The following TBC1D22A variants were observed in gnomAD, a reference collection of about 807,000 sequenced individuals.
TBC1D22A encodes the protein putative GTPase activator.
A neutral mutation model predicts 60.2 loss-of-function variants in TBC1D22A; 38 were observed. That is an observed-to-expected ratio of 0.63 (90% CI 0.49 to 0.83). The LOEUF (loss-of-function observed/expected upper bound fraction) is 0.83, where lower values mean the gene tolerates loss of function less well. TBC1D22A is among the 40% of genes least tolerant of loss of function. TBC1D22A has a pLI of 0.00. For missense variants in TBC1D22A, 628 were observed against 701.0 expected, an observed-to-expected ratio of 0.90 and a Z score of 1.18; for synonymous variants, 302 against 281.7, an observed-to-expected ratio of 1.07 and a Z score of -0.72.
At position 46,792,570 on chromosome 22, in the gene TBC1D22A, A is replaced by G. The variant is rs146224636; in HGVS notation, c.113A>G (p.His38Arg). 2.2e-5 allele frequency: 36 copies of G among 1,614,024 alleles called. No homozygotes were observed. The highest frequency in any genetic ancestry group is 2.7e-5 in the African/African-American group (2 of 74,916). Residue 38 changes from histidine to arginine, a missense_variant, in exon 2 of 13, where the codon CAT becomes CGT. Physicochemically the swap from His to Arg is conservative, Grantham distance 29. Coordinates refer to ENST00000337137, the MANE Select transcript of TBC1D22A (RefSeq NM_014346.5). ...AQHPPFDPLL[H>R]GTLLRSTAKM... ...CACCCCCCCTTTGATCCACTGTTAC[A>G]TGGCACGTAAGTGACGTTCCAACCT...
chr22:46,943,043 G>A (rs8139894), intron 8 of TBC1D22A, among the ~76,000 whole-genome samples: 2 of 152,306 alleles, frequency 1.3e-5, no homozygotes, highest in African/African-American at 4.8e-5. Context: ...AGGACCCGTG[G>A]CAGCAGGAAA....
At chr22:46,762,997 G>A (rs1014989588) in intron 1 of TBC1D22A, 149 bp downstream of exon 1, 5 of 694,074 alleles carry the variant, frequency 7.2e-6, no homozygotes, top group Admixed American at 8.3e-5. Flanking sequence ...GGCGTTGGGG[G>A]GCTCGGAGGT....
chr22:47,015,429 C>G (rs909816676), intron 10 of TBC1D22A, among the ~76,000 whole-genome samples: 1 of 152,182 alleles, frequency 6.6e-6, no homozygotes, highest in Admixed American at 6.5e-5. Flanking sequence ...GAGGGGGCCA[C>G]GCCCACCCCG....
At chr22:46,773,950 A>G (rs200128714) in intron 1 of TBC1D22A, 3 of 985,532 alleles carry the variant, frequency 3.0e-6, no homozygotes, top group Middle Eastern at 5.2e-4. Context: ...CTTACCCATC[A>G]CAGCCTCATC....
intron 8 of TBC1D22A, among the ~76,000 whole-genome samples, chr22:46,942,829 T>TA (rs1286897560): frequency 2.0e-5 from 3 of 152,198 alleles, no homozygotes; most frequent in Non-Finnish European, 4.4e-5. Context: ...TTATGAAACT[T>TA]TTCCTTAAGG....
Position 46,974,329 on chromosome 22 carries a change from C to G in TBC1D22A, c.1055C>G (p.Pro352Arg). 5 of 1,607,678 alleles carry G rather than the reference C, an allele frequency of 3.1e-6. No homozygotes were observed. The highest frequency in any genetic ancestry group is 4.2e-6 in the Non-Finnish European group (5 of 1,177,280). The change falls in exon 9 of 13, where the codon CCC becomes CGC. Residue 352 changes from proline (P) to arginine (R), a missense_variant. Transcript: ENST00000337137. ...GACACGGTGGACGTCTCCGGCGTGCCCGCAGAGGTGCTGTGCAACATCGAG... is the reference window on the plus strand; with the variant it reads ...GACACGGTGGACGTCTCCGGCGTGCGCGCAGAGGTGCTGTGCAACATCGAG... ...EVDTVDVSGV[P>R]AEVLCNIEAD...
chr22:47,030,297 C>T (rs977862305), intron 10 of TBC1D22A, among the ~76,000 whole-genome samples: 2 of 152,184 alleles, frequency 1.3e-5, no homozygotes, highest in African/African-American at 2.4e-5. Context: ...TGCTGCTCTT[C>T]GGGTGATAAA....
intron 4 of TBC1D22A, among the ~76,000 whole-genome samples, chr22:46,864,216 A>G (rs1270659792): frequency 6.6e-6 from 1 of 152,254 alleles, no homozygotes; most frequent in African/African-American, 2.4e-5. Context: ...TGTTATGTTA[A>G]TGATAGCAAT....
intron 10 of TBC1D22A, among the ~76,000 whole-genome samples, chr22:47,003,577 G>GTATACACACACCCTACGCACACATGCCTC (rs2061470041): frequency 5.9e-5 from 8 of 136,304 alleles, no homozygotes; most frequent in African/African-American, 1.8e-4. Flanking sequence ...ACACATGCCT[G>GTATACACACACCCTACGCACACATGCCTC]TATACACACA....
rs139862950 is a variant in TBC1D22A, at chr22:47,166,757, G to A, written c.1426-6741G>A. Among the ~76,000 whole-genome samples the A allele has an allele frequency of 9.2e-4, 140 of 152,384 alleles. 1 individual carries two copies. Among genetic ancestry groups the A allele is most frequent in the African/African-American group, 3.1e-3 (129 of 41,604 alleles). ...GCAGCCCTGGGCATGTGGTCACCCA[G>A]TGAACACCTGCAGTGCCTGTGAGAA... On this transcript the variant is annotated intron_variant, in intron 12 of 12. Transcript: ENST00000337137.
At chr22:46,873,075 A>G (rs1037989049) in intron 4 of TBC1D22A, among the ~76,000 whole-genome samples, 3 of 152,240 alleles carry the variant, frequency 2.0e-5, no homozygotes, top group African/African-American at 7.2e-5. Flanking sequence ...GTGGCAATAA[A>G]TTGATACTTG....
At chr22:47,036,972 C>G in intron 10 of TBC1D22A, 99 bp from the exon 11 acceptor site, 1 of 1,487,428 alleles carries the variant, frequency 6.7e-7, no homozygotes, top group South Asian at 1.2e-5. Context: ...GAGTGGGGTT[C>G]TGAGGCGGGC....
chr22:47,160,951 CGGGG>C (rs71814359), intron 12 of TBC1D22A, among the ~76,000 whole-genome samples: 61,472 of 151,252 alleles, frequency 0.41, 13,574 homozygotes, highest in East Asian at 0.68. Flanking sequence ...GGAGGGACCC[CGGGG>C]GCCTTGGCTG....
chr22:46,936,980 T>C (rs1413611621), intron 8 of TBC1D22A, among the ~76,000 whole-genome samples: 1 of 151,738 alleles, frequency 6.6e-6, no homozygotes, highest in Non-Finnish European at 1.5e-5. Context: ...CTGACAGTCA[T>C]CATGCTTGGC....
At chr22:46,935,449 C>A (rs531429252) in intron 8 of TBC1D22A, among the ~76,000 whole-genome samples, 1 of 152,144 alleles carries the variant, frequency 6.6e-6, no homozygotes, top group African/African-American at 2.4e-5. Context: ...CACTCCCCCG[C>A]AGCCCCTGTC....
At chr22:47,166,712 G>A (rs2068221992) in intron 12 of TBC1D22A, among the ~76,000 whole-genome samples, 1 of 152,256 alleles carries the variant, frequency 6.6e-6, no homozygotes, top group Admixed American at 6.5e-5. Flanking sequence ...CTCAGTGCCT[G>A]GAGTGGGGCC....
At chr22:47,171,787 G>A (rs138363921) in intron 12 of TBC1D22A, among the ~76,000 whole-genome samples, 4 of 152,302 alleles carry the variant, frequency 2.6e-5, no homozygotes, top group South Asian at 2.1e-4. Context: ...TTCCTTCCCC[G>A]TTGTGGCCTC....
chr22:47,067,919 C>G (rs1195677562), intron 11 of TBC1D22A, among the ~76,000 whole-genome samples: 1 of 152,222 alleles, frequency 6.6e-6, no homozygotes, highest in Non-Finnish European at 1.5e-5. Context: ...GCTTTGAGTG[C>G]CTCTGAACAT....
intron 7 of TBC1D22A, among the ~76,000 whole-genome samples, chr22:46,904,490 A>G (rs887229581): frequency 8.0e-6 from 1 of 124,944 alleles, no homozygotes; most frequent in Non-Finnish European, 1.5e-5. Flanking sequence ...TTTTTTTGAG[A>G]CGGAGTCTTG....
Sources: gnomAD v4.1 joint callset for allele counts (sites outside exome capture counted in the v4.1 genomes callset) on GRCh38, gnomAD v4.1.1 for gene constraint, MANE v1.5 for transcripts, NCBI Gene and HGNC (gene_info 2026-07-23, HGNC 2026-07-21) for gene names.